AFF3: variants seen among roughly 807,000 people sequenced by gnomAD.
AFF3 encodes the protein ALF transcription elongation factor 3.
In AFF3, 32 loss-of-function variants were observed where a neutral mutation model predicts 129.7. The ratio of observed to expected loss-of-function variants is 0.25; its 90% confidence interval spans 0.19 to 0.33. AFF3 has a LOEUF of 0.33. AFF3 is among the 10% of genes least tolerant of loss of function. AFF3 has a pLI of 1.00. For missense variants in AFF3, 1,373 were observed against 1,592.0 expected, an observed-to-expected ratio of 0.86 and a Z score of 2.34; for synonymous variants, 644 against 635.4, an observed-to-expected ratio of 1.01 and a Z score of -0.20.
intron 4 of AFF3, among the ~76,000 whole-genome samples, chr2:100,052,340 GC>G (rs1325796020): frequency 6.6e-6 from 1 of 152,166 alleles, no homozygotes. Context: ...GAAGAAAAAG[GC>G]AGAAGTAGCT....
intron 13 of AFF3, among the ~76,000 whole-genome samples, chr2:99,646,116 AC>A: frequency 6.6e-6 from 1 of 152,318 alleles, no homozygotes; most frequent in East Asian, 1.9e-4. Flanking sequence ...ATGTCCTTCC[AC>A]CAACCCCAAG....
chr2:99,826,427 G>A (rs1688085521), intron 8 of AFF3, among the ~76,000 whole-genome samples: 3 of 152,224 alleles, frequency 2.0e-5, no homozygotes, highest in Admixed American at 2.0e-4. Context: ...ATTAAGTATT[G>A]TAATAAGAAT....
chr2:99,947,529 A>G (rs984172225), intron 7 of AFF3, among the ~76,000 whole-genome samples: 12 of 113,764 alleles, frequency 1.1e-4, no homozygotes, highest in African/African-American at 5.1e-4. Context: ...GAGAGAAAGA[A>G]AGAAAGAAAA....
At chr2:100,038,839 C>T (rs1291077174) in intron 4 of AFF3, among the ~76,000 whole-genome samples, 1 of 151,936 alleles carries the variant, frequency 6.6e-6, no homozygotes, top group Non-Finnish European at 1.5e-5. Flanking sequence ...TCTCCTGCCT[C>T]AGCCTCCCAA....
chr2:99,883,597 G>A (rs1013376847), intron 7 of AFF3, among the ~76,000 whole-genome samples: 3 of 152,158 alleles, frequency 2.0e-5, no homozygotes, highest in Non-Finnish European at 4.4e-5. Flanking sequence ...ATTCCTCAAA[G>A]GTCTTTTTTC....
intron 1 of AFF3, among the ~76,000 whole-genome samples, chr2:100,132,910 G>C (rs1013216158): frequency 2.6e-5 from 4 of 151,112 alleles, no homozygotes; most frequent in Non-Finnish European, 5.9e-5. Context: ...TCAATGGGTT[G>C]GGTTTTCTCA....
chr2:99,640,867 C>G (rs942366708), intron 13 of AFF3, among the ~76,000 whole-genome samples: 1 of 152,172 alleles, frequency 6.6e-6, no homozygotes, highest in Admixed American at 6.5e-5. Flanking sequence ...GAGCTGTGGG[C>G]GCTGGGGCAG....
chr2:99,965,428 G>T (rs1380298207), intron 7 of AFF3, among the ~76,000 whole-genome samples: 1 of 152,218 alleles, frequency 6.6e-6, no homozygotes, highest in East Asian at 1.9e-4. Flanking sequence ...AATTATTCCA[G>T]TCCTGCTCTC....
At chr2:99,863,005 C>A (rs1691110305) in intron 7 of AFF3, among the ~76,000 whole-genome samples, 1 of 152,204 alleles carries the variant, frequency 6.6e-6, no homozygotes, top group African/African-American at 2.4e-5. Context: ...AACACTCAAT[C>A]AAGTATCTCA....
chr2:99,951,596 GT>G (rs1010586703), intron 7 of AFF3, among the ~76,000 whole-genome samples: 4 of 152,178 alleles, frequency 2.6e-5, no homozygotes, highest in Non-Finnish European at 4.4e-5. Context: ...GAAGGAACCA[GT>G]TTTACAAATG....
intron 7 of AFF3, among the ~76,000 whole-genome samples, chr2:100,004,057 G>A (rs1208024832): frequency 1.3e-5 from 2 of 151,112 alleles, no homozygotes; most frequent in African/African-American, 2.4e-5. Flanking sequence ...GTACCTATAC[G>A]ATGCCAAACA....
chr2:99,952,851 C>A (rs1313374796), intron 7 of AFF3, among the ~76,000 whole-genome samples: 1 of 152,182 alleles, frequency 6.6e-6, no homozygotes, highest in East Asian at 1.9e-4. Flanking sequence ...GGGTGCAAAT[C>A]CTGCCTCTCG....
At chr2:99,838,416 C>T (rs1689059783) in intron 7 of AFF3, among the ~76,000 whole-genome samples, 1 of 152,214 alleles carries the variant, frequency 6.6e-6, no homozygotes, top group African/African-American at 2.4e-5. Flanking sequence ...CCTTCCTCCT[C>T]ACTGTTCTCT....
At chr2:99,953,627 T>C (rs1676365837) in intron 7 of AFF3, among the ~76,000 whole-genome samples, 1 of 152,228 alleles carries the variant, frequency 6.6e-6, no homozygotes, top group African/African-American at 2.4e-5. Context: ...CTGAAGTGGC[T>C]TACCAATGAA....
At chr2:99,741,372 C>G (rs1404755277) in intron 10 of AFF3, among the ~76,000 whole-genome samples, 1 of 152,152 alleles carries the variant, frequency 6.6e-6, no homozygotes, top group Non-Finnish European at 1.5e-5. Context: ...TCAGCAAAGT[C>G]TCAGGATACA....
intron 18 of AFF3, among the ~76,000 whole-genome samples, chr2:99,572,293 A>ACCC (rs71376487): frequency 9.3e-5 from 4 of 43,242 alleles, no homozygotes; most frequent in Admixed American, 3.4e-4. Context: ...CCCTCCCACC[A>ACCC]CCCCCCCCCC....
intron 16 of AFF3, among the ~76,000 whole-genome samples, chr2:99,583,539 C>T (rs1004885532): frequency 6.6e-6 from 1 of 152,052 alleles, no homozygotes; most frequent in African/African-American, 2.4e-5. Context: ...TGCATCACCA[C>T]ACCGGGCTAA....
intron 4 of AFF3, among the ~76,000 whole-genome samples, chr2:100,053,775 C>G (rs1686543707): frequency 6.6e-6 from 1 of 152,220 alleles, no homozygotes; most frequent in Non-Finnish European, 1.5e-5. Flanking sequence ...ATCTGCCTGA[C>G]ATCCCTCTTC....
chr2:99,889,051 A>C (rs190010714), intron 7 of AFF3, among the ~76,000 whole-genome samples: 62 of 152,342 alleles, frequency 4.1e-4, no homozygotes, highest in Admixed American at 3.9e-3. Flanking sequence ...CTTAAAACCT[A>C]GGAGGAGGAC....
Sources: gnomAD v4.1 joint callset for allele counts (sites outside exome capture counted in the v4.1 genomes callset) on GRCh38, gnomAD v4.1.1 for gene constraint, MANE v1.5 for transcripts, NCBI Gene and HGNC (gene_info 2026-07-23, HGNC 2026-07-21) for gene names.